DCDC1: variants seen among roughly 807,000 people sequenced by gnomAD.
DCDC1 encodes the protein doublecortin domain-containing protein 1.
Under a neutral mutation model 178.3 loss-of-function variants are expected in DCDC1, and 200 were observed. The observed-to-expected ratio is 1.12, with a 90% CI of 1.00 to 1.26. The LOEUF (loss-of-function observed/expected upper bound fraction) is 1.26. Ranked by LOEUF, DCDC1 falls within the 50% of genes most tolerant of loss-of-function variation. The probability of loss-of-function intolerance (pLI) is 0.00; values close to 1 mark genes in which losing one functional copy is unlikely to be tolerated. For missense variants in DCDC1, 1,983 were observed against 1,749.2 expected, an observed-to-expected ratio of 1.13 and a Z score of -2.38; for synonymous variants, 690 against 604.8, an observed-to-expected ratio of 1.14 and a Z score of -2.07.
intron 9 of DCDC1, among the ~76,000 whole-genome samples, chr11:31,192,716 T>A (rs1380192525): frequency 1.3e-5 from 2 of 152,138 alleles, no homozygotes; most frequent in Non-Finnish European, 2.9e-5. Context: ...ATTGAATGAT[T>A]CATCTATAAG....
At chr11:31,067,588 A>G (rs1956319001) in intron 18 of DCDC1, among the ~76,000 whole-genome samples, 1 of 152,126 alleles carries the variant, frequency 6.6e-6, no homozygotes, top group Non-Finnish European at 1.5e-5. Context: ...AAACTTCCAT[A>G]CCAATATTCA....
intron 10 of DCDC1, among the ~76,000 whole-genome samples, chr11:31,136,770 C>T (rs1218626157): frequency 2.6e-5 from 4 of 152,034 alleles, no homozygotes; most frequent in African/African-American, 9.7e-5. Context: ...ATCATTTTCC[C>T]CTTTTGTCTA....
intron 7 of DCDC1, among the ~76,000 whole-genome samples, chr11:31,279,148 C>A (rs1444310306): frequency 1.3e-5 from 2 of 152,070 alleles, no homozygotes; most frequent in African/African-American, 4.8e-5. Flanking sequence ...GTTGTTTTCA[C>A]TGTATAAGTC....
In DCDC1 at chr11:30,922,625, C is replaced by T. The variant is rs989479785; in HGVS notation, c.3011G>A (p.Cys1004Tyr). ...GTCAGGATTGATCCAGAGTTCTCCA[C>T]ATGAAACATACACCTATCAAACAAA... ...LQRDELVYVS[C>Y]GELWINPDLS... Residue 1004 changes from cysteine (C) to tyrosine (Y), a missense_variant, in exon 24 of 39, where the codon TGT becomes TAT. Cys to Tyr is a radical substitution (Grantham distance 194). Transcript: ENST00000684477. 3 of 1,554,614 alleles carry T rather than the reference C, an allele frequency of 1.9e-6. No homozygotes were observed. The highest frequency in any genetic ancestry group is 2.2e-5 in the Admixed American group (1 of 45,944).
intron 36 of DCDC1, chr11:30,881,980 G>A (rs1208571430): frequency 6.5e-6 from 1 of 153,712 alleles, no homozygotes; most frequent in East Asian, 1.9e-4. Context: ...ATTAAAATGT[G>A]AATAAAACTT....
chr11:31,022,319 C>G (rs1952926136), intron 20 of DCDC1, among the ~76,000 whole-genome samples: 1 of 152,142 alleles, frequency 6.6e-6, no homozygotes. Flanking sequence ...CCTCTATTGA[C>G]AGATAGTATG....
chr11:30,948,219 C>T (rs1460297482), intron 21 of DCDC1, among the ~76,000 whole-genome samples: 1 of 152,058 alleles, frequency 6.6e-6, no homozygotes, highest in Non-Finnish European at 1.5e-5. Flanking sequence ...AATAGACAAG[C>T]AGAGAGCCAA....
At position 31,064,361 on chromosome 11, in the gene DCDC1, G is replaced by T. The variant is rs1265646836; in HGVS notation, c.2591+108C>A. 6.5e-6 allele frequency: 4 copies of T among 618,302 alleles called. No homozygotes were observed. In the African/African-American group the frequency reaches 7.3e-5, roughly 11 times the overall value. 38.3% of individuals were successfully genotyped at this position (618,302 alleles called of 1,614,324 possible). A position where few individuals can be genotyped will look rare whatever the true frequency, so the allele number is the denominator to read the frequency against. ...AAAACTACTACGCTTGAAAGCCAAAGGGCTTTTGAGATATTTCAATTATCT... is the reference window on the plus strand; with the variant it reads ...AAAACTACTACGCTTGAAAGCCAAATGGCTTTTGAGATATTTCAATTATCT... On this transcript the variant is annotated intron_variant, in intron 20 of 38. Transcript: ENST00000684477.
At chr11:31,115,987 G>GGGGA (rs1565304674) in intron 11 of DCDC1, among the ~76,000 whole-genome samples, 1 of 134,036 alleles carries the variant, frequency 7.5e-6, no homozygotes, top group African/African-American at 2.7e-5. Context: ...GCAGTGGGGG[G>GGGGA]GGGGGGGATG....
chr11:31,115,699 T>A (rs1959799238), intron 11 of DCDC1, among the ~76,000 whole-genome samples: 1 of 151,994 alleles, frequency 6.6e-6, no homozygotes, highest in East Asian at 1.9e-4. Context: ...GAGACCAAGA[T>A]TTGCCTGCAG....
At chr11:30,943,740 A>T (rs933205611) in intron 21 of DCDC1, 21 of 410,126 alleles carry the variant, frequency 5.1e-5, no homozygotes, top group African/African-American at 3.8e-4. Flanking sequence ...TACCATATTT[A>T]AAAAATACTG....
chr11:30,887,516 G>T (rs897231945), intron 36 of DCDC1, among the ~76,000 whole-genome samples: 3 of 152,192 alleles, frequency 2.0e-5, no homozygotes, highest in Admixed American at 6.5e-5. Context: ...TTCCTTAGCA[G>T]ACCAAATATG....
At chr11:31,000,368 C>T (rs16921645) in intron 20 of DCDC1, among the ~76,000 whole-genome samples, 3,625 of 152,160 alleles carry the variant, frequency 0.024, 147 homozygotes, top group African/African-American at 0.079. Context: ...CTCCACAATA[C>T]GGTCTTAGAG....
At chr11:31,137,634 C>T (rs1565333725) in intron 10 of DCDC1, 58 bp downstream of exon 10, 3 of 688,088 alleles carry the variant, frequency 4.4e-6, no homozygotes, top group Non-Finnish European at 5.3e-6. Context: ...AGGCGTAAGC[C>T]ACTGTGCCTG....
intron 20 of DCDC1, among the ~76,000 whole-genome samples, chr11:30,970,265 G>A (rs1949704647): frequency 6.6e-6 from 1 of 152,134 alleles, no homozygotes; most frequent in Admixed American, 6.5e-5. Flanking sequence ...GAGAGAGAGA[G>A]CTCATGCTGG....
chr11:31,358,995 A>T (rs554310954), intron 1 of DCDC1, among the ~76,000 whole-genome samples: 1 of 152,336 alleles, frequency 6.6e-6, no homozygotes, highest in Non-Finnish European at 1.5e-5. Flanking sequence ...GGGACTGTAA[A>T]CTAGTTCCAC....
intron 3 of DCDC1, among the ~76,000 whole-genome samples, chr11:31,326,969 G>T (rs1331287250): frequency 2.0e-5 from 3 of 152,114 alleles, no homozygotes; most frequent in Non-Finnish European, 4.4e-5. Flanking sequence ...AGCACAGGAA[G>T]AATACCGTCT....
At chr11:31,057,583 G>A (rs989892235) in intron 20 of DCDC1, among the ~76,000 whole-genome samples, 2 of 152,090 alleles carry the variant, frequency 1.3e-5, no homozygotes, top group South Asian at 4.1e-4. Context: ...TACACATCAT[G>A]AGAAGAAAAG....
In DCDC1 at chr11:31,278,894, C is replaced by T. The variant is rs377521179; in HGVS notation, c.960+11753G>A. Among the ~76,000 whole-genome samples the T allele has an allele frequency of 7.4e-4, 113 of 152,192 alleles. 4 individuals are homozygous for T. In the South Asian group the frequency reaches 0.022, roughly 30 times the overall value. On this transcript the variant is annotated intron_variant, in intron 7 of 38. Transcript: ENST00000684477. The stretch of plus-strand genomic sequence containing the variant: ...TAGTATAAATCCTCCAAATTTGCTC[C>T]TGTTTAAAACTGATTTGGCTATCTA...
Sources: allele counts gnomAD v4.1 joint callset (sites outside exome capture counted in the v4.1 genomes callset), GRCh38; gene constraint gnomAD v4.1.1; transcripts MANE v1.5; gene names NCBI Gene and HGNC (gene_info 2026-07-23, HGNC 2026-07-21).